FAM174C: variants seen among roughly 807,000 people sequenced by gnomAD.
The protein encoded by FAM174C is family with sequence similarity 174 member C.
FAM174C carries 19 observed loss-of-function variants against 12.3 expected under a neutral mutation model. The observed-to-expected ratio is 1.55, with a 90% CI of 1.08 to 2.27. FAM174C has a LOEUF of 2.27. Ranked by LOEUF, FAM174C falls within the 30% of genes most tolerant of loss-of-function variation. The pLI, the probability that FAM174C is intolerant of heterozygous loss-of-function variation, is 0.00. For missense variants in FAM174C, 239 were observed against 190.2 expected (o/e 1.26, Z -1.51); for synonymous variants, 147 against 103.5 (o/e 1.42, Z -2.55).
rs2081419622 is a variant in FAM174C at position 1,277,237 on chromosome 19, C to G, written c.336C>G (p.Pro112=). The G allele has an allele frequency of 3.2e-6, 5 of 1,549,826 alleles. No homozygotes were observed. In the East Asian group the frequency reaches 1.2e-4, roughly 38 times the overall value. Residue 112 remains proline, a synonymous_variant, in exon 2 of 3, where the codon CCC becomes CCG. Transcript: ENST00000409293. ...GCCTCCTCGCCAACACTGAGGACCC[C>G]ACGGAGATGGCCTCGCTGGACAGCG... The part of the protein sequence containing the change: ...RYGLLANTED[P]TEMASLDSDE...
chr19:1,275,899 G>A, intron 1 of FAM174C, 69 bp downstream of exon 1: 1 of 1,433,204 alleles, frequency 7.0e-7, no homozygotes, highest in Non-Finnish European at 9.4e-7. Flanking sequence ...TGCGTCACGT[G>A]CCGGGCCGCG....
At position 1,279,090 on chromosome 19, in the gene FAM174C, T is replaced by C; in HGVS notation, c.*313T>C. On this transcript the variant is annotated 3_prime_UTR_variant, in exon 3 of 3. Coordinates refer to ENST00000409293, the MANE Select transcript of FAM174C (RefSeq NM_017914.4). The stretch of plus-strand genomic sequence containing the variant: ...GGACGCTGAGGCTCCCTTGCCTGAC[T>C]GTGACTTGTGCCTCTCTCCTGCCCC... 1 of 1,612,660 alleles carries C rather than the reference T, an allele frequency of 6.2e-7. No homozygotes were observed. Among genetic ancestry groups the C allele is most frequent in the Non-Finnish European group, 8.5e-7 (1 of 1,179,984 alleles).
In FAM174C at chr19:1,277,195, T is replaced by C. The variant is rs2081419321; in HGVS notation, c.294T>C (p.Pro98=). The change falls in exon 2 of 3, where the codon CCT becomes CCC. Residue 98 remains proline (P), a synonymous_variant. Coordinates refer to ENST00000409293, the MANE Select transcript of FAM174C (RefSeq NM_017914.4). ...GACCTACTTCCAGGTTGAAGAAGCC[T>C]CAGCGGAGGCGATACGGCCTCCTCG... ...FLIRAFRLKK[P]QRRRYGLLAN... 2.6e-6 allele frequency: 4 copies of C among 1,541,794 alleles called. No individual in the cohort carries two copies. The highest frequency in any genetic ancestry group is 3.5e-6 in the Non-Finnish European group (4 of 1,139,418).
Position 1,278,992 on chromosome 19 carries a change from C to G in FAM174C, c.*215C>G. The G allele has an allele frequency of 2.5e-6, 4 of 1,612,224 alleles. No homozygotes were observed. Among genetic ancestry groups the G allele is most frequent in the Non-Finnish European group, 3.4e-6 (4 of 1,179,944 alleles). Reference sequence around the variant, plus strand: ...CCCACCGCTGGACCATGCAGCCTCGCCTCCTGGATGCTGTCCCAGCCTGGC... The same window carrying G: ...CCCACCGCTGGACCATGCAGCCTCGGCTCCTGGATGCTGTCCCAGCCTGGC... On this transcript the variant is annotated 3_prime_UTR_variant, in exon 3 of 3. Transcript: ENST00000409293.
Position 1,275,622 on chromosome 19 carries a change from G to A in FAM174C, c.73G>A (p.Gly25Ser). The change falls in exon 1 of 3, where the codon GGT (glycine) becomes AGT (serine). Residue 25 changes from glycine (G) to serine (S), a missense_variant. Transcript: ENST00000409293. ...LALLLAALPC[G>S]AEEASPLRPA... Reference sequence around the variant, plus strand: ...GCTGCTGCTGGCGGCGCTGCCGTGCGGTGCCGAAGAGGCCTCGCCGCTGCG... The same window carrying A: ...GCTGCTGCTGGCGGCGCTGCCGTGCAGTGCCGAAGAGGCCTCGCCGCTGCG... 5.4e-6 allele frequency: 7 copies of A among 1,299,380 alleles called. No individual in the cohort carries two copies. The highest frequency in any genetic ancestry group is 6.8e-6 in the Non-Finnish European group (7 of 1,028,940). The allele number at this position is 1,299,380 out of a possible 1,614,324, so 80.5% of individuals were successfully genotyped here.
intron 1 of FAM174C, 101 bp downstream of exon 1, chr19:1,275,931 C>CCTCCCTCT (rs1555756069): frequency 2.0e-4 from 207 of 1,031,218 alleles, no homozygotes; most frequent in Middle Eastern, 6.1e-4. Flanking sequence ...TCCCTCCCTC[C>CCTCCCTCT]CTCCCTCCCT....
In FAM174C at chr19:1,277,272, C is replaced by T; in HGVS notation, c.371C>T (p.Thr124Met). 1.3e-6 allele frequency: 2 copies of T among 1,549,000 alleles called. No individual in the cohort carries two copies. Among genetic ancestry groups the T allele is most frequent in the Non-Finnish European group, 1.7e-6 (2 of 1,145,302 alleles). The change falls in exon 2 of 3, where the codon ACG becomes ATG. Residue 124 changes from threonine to methionine, a missense_variant. Physicochemically the swap from Thr to Met is moderately conservative, Grantham distance 81 (BLOSUM62 -1). Coordinates refer to ENST00000409293, the MANE Select transcript of FAM174C (RefSeq NM_017914.4). ...EMASLDSDEE[T>M]VFESRNLR Reference sequence around the variant, plus strand: ...GCCTCGCTGGACAGCGACGAGGAGACGGTGTTTGAGTCCCGGAATCTGAGA... The same window carrying T: ...GCCTCGCTGGACAGCGACGAGGAGATGGTGTTTGAGTCCCGGAATCTGAGA...
At chr19:1,276,023 C>G (rs1252677554) in intron 1 of FAM174C, 193 bp downstream of exon 1, 4 of 572,916 alleles carry the variant, frequency 7.0e-6, no homozygotes, top group Non-Finnish European at 1.2e-5. Context: ...CGGGACTCAC[C>G]CGCTCTCCAG....
At chr19:1,277,945 T>C (rs2081422639) in intron 2 of FAM174C, 1 of 150,198 alleles carries the variant, frequency 6.7e-6, no homozygotes, top group African/African-American at 2.5e-5. Flanking sequence ...CGGCTAATTT[T>C]TGTAGTTTTA....
chr19:1,275,723 G>C lies in FAM174C; in HGVS notation c.174G>C (p.Thr58=). Residue 58 remains threonine (T), a synonymous_variant, in exon 1 of 3, where the codon ACG becomes ACC. Coordinates refer to ENST00000409293, the MANE Select transcript of FAM174C (RefSeq NM_017914.4). ...AGCCGGGCGCGCCACACAACAGCAC[G>C]CACACGCGTCCGCCGGGGGCGTCGG... ...GSQPGAPHNS[T]HTRPPGASGS... 1 of 1,532,552 alleles carries C rather than the reference G, an allele frequency of 6.5e-7. No homozygotes were observed. The highest frequency in any genetic ancestry group is 8.7e-7 in the Non-Finnish European group (1 of 1,143,824). The allele number at this position is 1,532,552 out of a possible 1,614,324, so 94.9% of individuals were successfully genotyped here.
chr19:1,275,575 C>G lies in FAM174C; in HGVS notation c.26C>G (p.Pro9Arg), dbSNP rs1433160864. The G allele has an allele frequency of 8.2e-7, 1 of 1,226,040 alleles. No individual in the cohort carries two copies. Among genetic ancestry groups the G allele is most frequent in the Non-Finnish European group, 1.0e-6 (1 of 985,196 alleles). 75.9% of individuals were successfully genotyped at this position (1,226,040 alleles called of 1,614,324 possible). A position where few individuals can be genotyped will look rare whatever the true frequency, so the allele number is the denominator to read the frequency against. Residue 9 changes from proline (P) to arginine (R), a missense_variant, in exon 1 of 3, where the codon CCG becomes CGG. Pro to Arg is a moderately radical substitution (Grantham distance 103). Transcript: ENST00000409293. MGPRVLQPPLLLLLLALLL... is the reference protein window; with the variant it reads MGPRVLQPRLLLLLLALLL... ...ATGGGGCCGCGCGTGCTGCAGCCGC[C>G]GCTGCTGCTGCTCCTGCTGGCGCTG...
Position 1,275,560 on chromosome 19 carries a change from G to A in FAM174C, c.11G>A (p.Arg4His). 2 of 1,215,572 alleles carry A rather than the reference G, an allele frequency of 1.6e-6. No individual in the cohort carries two copies. The highest frequency in any genetic ancestry group is 2.0e-6 in the Non-Finnish European group (2 of 978,542). The allele number at this position is 1,215,572 out of a possible 1,614,324, so 75.3% of individuals were successfully genotyped here. A position where few individuals can be genotyped will look rare whatever the true frequency, so the allele number is the denominator to read the frequency against. Residue 4 changes from arginine to histidine, a missense_variant, in exon 1 of 3, where the codon CGC (arginine) becomes CAC (histidine). By Grantham distance (29) the Arg-to-His change is conservative. Coordinates refer to ENST00000409293, the MANE Select transcript of FAM174C (RefSeq NM_017914.4). ...CGCTTCCGCCGGGCCATGGGGCCGC[G>A]CGTGCTGCAGCCGCCGCTGCTGCTG... The part of the protein sequence containing the change: MGP[R>H]VLQPPLLLLL...
intron 2 of FAM174C, 21 bp from the exon 3 acceptor site, chr19:1,278,756 C>T (rs763877569): frequency 3.7e-6 from 6 of 1,611,864 alleles, no homozygotes; most frequent in South Asian, 3.3e-5. Context: ...TTCCCTCTCA[C>T]CCTTGACCCC....
At position 1,279,085 on chromosome 19, in the gene FAM174C, C is replaced by T. The variant is rs147635595; in HGVS notation, c.*308C>T. The T allele has an allele frequency of 6.2e-7, 1 of 1,612,508 alleles. No homozygotes were observed. Among genetic ancestry groups the T allele is most frequent in the Non-Finnish European group, 8.5e-7 (1 of 1,179,988 alleles). ...GCCCAGGACGCTGAGGCTCCCTTGC[C>T]TGACTGTGACTTGTGCCTCTCTCCT... On this transcript the variant is annotated 3_prime_UTR_variant, in exon 3 of 3. Transcript: ENST00000409293.
chr19:1,277,029 C>A, intron 1 of FAM174C, 154 bp from the exon 2 acceptor site: 2 of 1,181,692 alleles, frequency 1.7e-6, no homozygotes, highest in Non-Finnish European at 2.3e-6. Flanking sequence ...AATCACTTGG[C>A]GATTAGGACA....
rs984956917 is a variant in FAM174C, at chr19:1,277,087, G to C, written c.282-96G>C. The C allele has an allele frequency of 2.1e-6, 3 of 1,449,274 alleles. No individual in the cohort carries two copies. The African/African-American group carries it at 4.3e-5, about 21-fold the overall frequency. 89.8% of individuals were successfully genotyped at this position (1,449,274 alleles called of 1,614,324 possible). A position where few individuals can be genotyped will look rare whatever the true frequency, so the allele number is the denominator to read the frequency against. On this transcript the variant is annotated intron_variant, in intron 1 of 2. Coordinates refer to ENST00000409293, the MANE Select transcript of FAM174C (RefSeq NM_017914.4). ...ACCAGGGAGGTCTGCAGCAGGGCTC[G>C]GGGCTCCAGTAGAGGACGGCAATGA...
At chr19:1,276,243 G>A (rs976487315) in intron 1 of FAM174C, 3 of 206,256 alleles carry the variant, frequency 1.5e-5, no homozygotes, top group Admixed American at 5.7e-5. Flanking sequence ...GTGGGGTCCC[G>A]ATATTTTCCT....
At chr19:1,276,910 C>G (rs1436296759) in intron 1 of FAM174C, 3 of 293,050 alleles carry the variant, frequency 1.0e-5, no homozygotes, top group African/African-American at 2.1e-5. Context: ...TTCATCAGTG[C>G]AATGGGAGTG....
intron 1 of FAM174C, chr19:1,276,736 C>G (rs930700656): frequency 2.6e-5 from 4 of 156,636 alleles, no homozygotes; most frequent in African/African-American, 9.6e-5. Context: ...CCCCTGTGCT[C>G]CACACCTCTT....
Sources: gnomAD v4.1 joint callset for allele counts on GRCh38, gnomAD v4.1.1 for gene constraint, MANE v1.5 for transcripts, NCBI Gene and HGNC (gene_info 2026-07-23, HGNC 2026-07-21) for gene names.